AGO3: variants seen among roughly 807,000 people sequenced by gnomAD.
The protein encoded by AGO3 is protein argonaute-3.
A neutral mutation model predicts 105.5 loss-of-function variants in AGO3; 16 were observed. The observed-to-expected ratio is 0.15, with a 90% CI of 0.10 to 0.23. AGO3 has a LOEUF of 0.23. AGO3 is among the 10% of genes least tolerant of loss of function. The pLI is 1.00. For missense variants in AGO3, 534 were observed against 1,088.0 expected (o/e 0.49, Z 7.16); for synonymous variants, 340 against 367.3 (o/e 0.93, Z 0.85).
intron 13 of AGO3, among the ~76,000 whole-genome samples, chr1:36,035,854 A>T (rs1641978721): frequency 6.6e-6 from 1 of 152,048 alleles, no homozygotes; most frequent in Non-Finnish European, 1.5e-5. Context: ...AACATGGTGA[A>T]ACCCCATCTC....
intron 5 of AGO3, among the ~76,000 whole-genome samples, chr1:35,978,140 T>C (rs1646984828): frequency 6.6e-6 from 1 of 152,214 alleles, no homozygotes; most frequent in South Asian, 2.1e-4. Context: ...AATACTTGAA[T>C]CAATGAAATA....
chr1:36,071,938 G>A lies in AGO3; in HGVS notation c.*16193G>A, dbSNP rs766593158. The A allele has an allele frequency of 8.5e-5, 13 of 152,174 alleles. No individual in the cohort carries two copies. The highest frequency in any genetic ancestry group is 1.5e-4 in the Non-Finnish European group (10 of 68,024). 9.4% of individuals were successfully genotyped at this position (152,174 alleles called of 1,614,324 possible). A position where few individuals can be genotyped will look rare whatever the true frequency, so the allele number is the denominator to read the frequency against. ...ACCAAATGCTGAATCCTATCACTGT[G>A]TTCTTGGGGGCCAGGCCTTGGATTT... On this transcript the variant is annotated 3_prime_UTR_variant, in exon 19 of 19. Transcript: ENST00000373191.
intron 1 of AGO3, among the ~76,000 whole-genome samples, chr1:35,944,226 A>T: frequency 6.6e-6 from 1 of 151,792 alleles, no homozygotes; most frequent in East Asian, 1.9e-4. Flanking sequence ...TTCAAATTTG[A>T]TGAATAATAC....
chr1:36,020,824 C>T (rs1372556158), intron 11 of AGO3, among the ~76,000 whole-genome samples: 2 of 152,066 alleles, frequency 1.3e-5, no homozygotes, highest in African/African-American at 2.4e-5. Context: ...ACCTTGTTGG[C>T]CAGACTAGTC....
upstream of AGO3, chr1:35,930,806 A>G (rs1646024809): frequency 1.2e-5 from 2 of 164,390 alleles, no homozygotes; most frequent in East Asian, 1.7e-4. Context: ...CAGGTAGGCT[A>G]CTCCTCAGGT....
rs567741822 is a variant in AGO3, at chr1:35,979,146, C to T, written c.658+5635C>T. Among the ~76,000 whole-genome samples the T allele has an allele frequency of 5.9e-5, 9 of 152,166 alleles. No homozygotes were observed. The East Asian group carries it at 9.7e-4, about 16-fold the overall frequency. ...TTGGGAGGCCGAGGCGGGCGGATCA[C>T]GAGGTCAGGAGATTGAGACCATCCT... On this transcript the variant is annotated intron_variant, in intron 5 of 18. Coordinates refer to ENST00000373191, the MANE Select transcript of AGO3 (RefSeq NM_024852.4).
intron 17 of AGO3, among the ~76,000 whole-genome samples, chr1:36,053,662 C>T (rs1412493179): frequency 6.6e-6 from 1 of 151,756 alleles, no homozygotes; most frequent in African/African-American, 2.4e-5. Flanking sequence ...TCACTGCAGC[C>T]TTGACTTCCT....
At chr1:35,980,163 G>A (rs1217215074) in intron 5 of AGO3, among the ~76,000 whole-genome samples, 1 of 151,898 alleles carries the variant, frequency 6.6e-6, no homozygotes, top group Non-Finnish European at 1.5e-5. Flanking sequence ...CCTTAATTGA[G>A]TAACAATTAC....
intron 2 of AGO3, among the ~76,000 whole-genome samples, chr1:35,946,324 T>C (rs1646364617): frequency 6.6e-6 from 1 of 152,190 alleles, no homozygotes; most frequent in Non-Finnish European, 1.5e-5. Context: ...TTCTTACCAT[T>C]ATATAGGAAT....
rs529896053 is a variant in AGO3 at position 35,971,387 on chromosome 1, G to T, written c.313-637G>T. Among the ~76,000 whole-genome samples, 3 of 150,280 alleles carry T rather than the reference G, an allele frequency of 2.0e-5. No homozygotes were observed. The South Asian group carries it at 6.3e-4, about 32-fold the overall frequency. On this transcript the variant is annotated intron_variant, in intron 3 of 18. Coordinates refer to ENST00000373191, the MANE Select transcript of AGO3 (RefSeq NM_024852.4). ...TTGGCCAAGCTGGTCTTGAACTCCT[G>T]ACCTCAAGTGATCAGCCTGCCTCAG...
chr1:36,051,753 AAATAAT>A (rs1392282837), intron 17 of AGO3, among the ~76,000 whole-genome samples: 1 of 152,102 alleles, frequency 6.6e-6, no homozygotes, highest in Non-Finnish European at 1.5e-5. Flanking sequence ...TCAACAGCAA[AAATAAT>A]AATAATAATT....
chr1:35,959,508 G>C (rs1197126597), intron 2 of AGO3, among the ~76,000 whole-genome samples: 1 of 152,140 alleles, frequency 6.6e-6, no homozygotes, highest in African/African-American at 2.4e-5. Context: ...TGTTTACTCA[G>C]ATTTTATTTC....
At chr1:35,994,609 A>G (rs551861297) in intron 5 of AGO3, among the ~76,000 whole-genome samples, 7 of 152,314 alleles carry the variant, frequency 4.6e-5, no homozygotes, top group Admixed American at 1.3e-4. Flanking sequence ...AGAAGACATA[A>G]TACTCTACAT....
rs1479905931 is a variant in AGO3 at position 35,945,745 on chromosome 1, A to G, written c.73A>G (p.Thr25Ala). 2.5e-6 allele frequency: 4 copies of G among 1,613,186 alleles called. No individual in the cohort carries two copies. In the African/African-American group the frequency reaches 4.0e-5, roughly 16 times the overall value. ...GGTGCCCAGAAGACCTGGCTATGGC[A>G]CCATGGGCAAACCCATTAAACTGCT... ...LMVPRRPGYG[T>A]MGKPIKLLAN... is the part of the protein sequence containing the mutation. The change falls in exon 2 of 19, where the codon ACC becomes GCC. Residue 25 changes from threonine to alanine, a missense_variant. Thr to Ala is a moderately conservative substitution (Grantham distance 58, BLOSUM62 0). Coordinates refer to ENST00000373191, the MANE Select transcript of AGO3 (RefSeq NM_024852.4).
At chr1:36,001,386 A>T (rs1640076740) in intron 5 of AGO3, among the ~76,000 whole-genome samples, 1 of 152,244 alleles carries the variant, frequency 6.6e-6, no homozygotes, top group African/African-American at 2.4e-5. Flanking sequence ...AACAACCCAT[A>T]ACTCTCCCTC....
At chr1:35,958,562 G>C (rs1473426619) in intron 2 of AGO3, among the ~76,000 whole-genome samples, 2 of 151,596 alleles carry the variant, frequency 1.3e-5, no homozygotes, top group East Asian at 3.9e-4. Context: ...TCGGGAGGTT[G>C]AGACAGGAGA....
intron 14 of AGO3, among the ~76,000 whole-genome samples, chr1:36,036,983 A>G (rs1313594749): frequency 1.3e-5 from 2 of 152,074 alleles, no homozygotes; most frequent in African/African-American, 2.4e-5. Flanking sequence ...GGTGTGAGCT[A>G]CCGTGCCCAG....
At chr1:35,945,896 T>C (rs768780679) in intron 2 of AGO3, 33 bp downstream of exon 2, 5 of 1,582,238 alleles carry the variant, frequency 3.2e-6, no homozygotes, top group Non-Finnish European at 4.3e-6. Flanking sequence ...GATCTTTTGC[T>C]ATTTTTTTCC....
At chr1:35,939,487 G>A (rs1295708428) in intron 1 of AGO3, among the ~76,000 whole-genome samples, 2 of 152,150 alleles carry the variant, frequency 1.3e-5, no homozygotes, top group Admixed American at 6.5e-5. Context: ...GAGTGCAAAT[G>A]TTCTCCTCTT....
Sources: allele counts gnomAD v4.1 joint callset (sites outside exome capture counted in the v4.1 genomes callset), GRCh38; gene constraint gnomAD v4.1.1; transcripts MANE v1.5; gene names NCBI Gene and HGNC (gene_info 2026-07-23, HGNC 2026-07-21).